PDE4D: variants seen among roughly 807,000 people sequenced by gnomAD.
PDE4D encodes the protein phosphodiesterase 4D.
A neutral mutation model predicts 87.4 loss-of-function variants in PDE4D; 24 were observed. The observed-to-expected ratio is 0.27, with a 90% CI of 0.20 to 0.39. The LOEUF is 0.39. Among genes scored for constraint, PDE4D ranks in the 10% least tolerant of loss-of-function variants. PDE4D has a pLI of 1.00. For synonymous variants in PDE4D, 384 were observed against 383.2 expected (o/e 1.00, Z -0.02); for missense variants, 714 against 1,041.0 (o/e 0.69, Z 4.32).
intron 1 of PDE4D, among the ~76,000 whole-genome samples, chr5:60,375,074 C>A (rs1441874414): frequency 6.6e-6 from 1 of 152,166 alleles, no homozygotes; most frequent in Non-Finnish European, 1.5e-5. Flanking sequence ...CTTCTTGAAA[C>A]CTTTCCAATC....
At chr5:60,438,831 A>G (rs571808796) in intron 1 of PDE4D, among the ~76,000 whole-genome samples, 2 of 152,086 alleles carry the variant, frequency 1.3e-5, no homozygotes, top group Non-Finnish European at 2.9e-5. Context: ...TTTTTTTCCT[A>G]TGAGATTAGC....
intron 1 of PDE4D, among the ~76,000 whole-genome samples, chr5:59,513,583 G>A (rs1810630028): frequency 6.6e-6 from 1 of 152,104 alleles, no homozygotes. Flanking sequence ...ACCTTCATGA[G>A]CAGGCTAATG....
At chr5:60,431,624 G>A (rs1486520306) in intron 1 of PDE4D, among the ~76,000 whole-genome samples, 2 of 149,974 alleles carry the variant, frequency 1.3e-5, no homozygotes, top group African/African-American at 2.5e-5. Context: ...TCACGTCCCA[G>A]ACGATGGGCG....
chr5:59,331,717 T>C (rs1466217004), intron 1 of PDE4D, among the ~76,000 whole-genome samples: 2 of 152,210 alleles, frequency 1.3e-5, no homozygotes, highest in Non-Finnish European at 2.9e-5. Flanking sequence ...ATCCAAGGCC[T>C]GTTGCCCCAT....
chr5:59,379,037 T>TA (rs889002255), intron 1 of PDE4D, among the ~76,000 whole-genome samples: 3 of 151,866 alleles, frequency 2.0e-5, no homozygotes, highest in Non-Finnish European at 4.4e-5. Context: ...CCAGGGAGCT[T>TA]ACAGGGAAGT....
chr5:59,179,232 G>A (rs890667468), intron 5 of PDE4D, among the ~76,000 whole-genome samples: 8 of 152,018 alleles, frequency 5.3e-5, no homozygotes, highest in South Asian at 4.1e-4. Flanking sequence ...TCAGATTCCC[G>A]AGTAGCTTGG....
chr5:59,737,584 T>A (rs1334455453), intron 1 of PDE4D, among the ~76,000 whole-genome samples: 1 of 152,138 alleles, frequency 6.6e-6, no homozygotes, highest in East Asian at 1.9e-4. Context: ...AATAACATAA[T>A]ATTTCATTAA....
chr5:59,107,078 G>A (rs1447937004), intron 5 of PDE4D, among the ~76,000 whole-genome samples: 4 of 152,116 alleles, frequency 2.6e-5, no homozygotes, highest in Non-Finnish European at 5.9e-5. Flanking sequence ...TCTTAGATAA[G>A]CAACTTAAAA....
At chr5:60,097,723 T>C (rs1775816340) in intron 2 of PDE4D, among the ~76,000 whole-genome samples, 1 of 151,882 alleles carries the variant, frequency 6.6e-6, no homozygotes, top group Non-Finnish European at 1.5e-5. Context: ...ATTTATTTAC[T>C]CATTCAATAT....
chr5:60,145,275 T>C (rs1297942376), intron 2 of PDE4D, among the ~76,000 whole-genome samples: 1 of 152,212 alleles, frequency 6.6e-6, no homozygotes, highest in Non-Finnish European at 1.5e-5. Context: ...ATCACTTATC[T>C]CTGAGCCCTC....
intron 1 of PDE4D, among the ~76,000 whole-genome samples, chr5:60,481,897 G>A (rs1387216709): frequency 2.0e-5 from 3 of 151,986 alleles, no homozygotes; most frequent in African/African-American, 4.8e-5. Context: ...CTTCCAGATG[G>A]TAAATATTAT....
intron 6 of PDE4D, 56 bp from the exon 7 acceptor site, chr5:58,993,521 T>G: frequency 1.9e-6 from 2 of 1,066,180 alleles, no homozygotes; most frequent in South Asian, 1.4e-5. Flanking sequence ...AAGTGAAATA[T>G]ATATGCATAC....
intron 2 of PDE4D, among the ~76,000 whole-genome samples, chr5:60,009,554 T>C (rs1035976496): frequency 6.6e-6 from 1 of 152,066 alleles, no homozygotes; most frequent in Non-Finnish European, 1.5e-5. Context: ...GTCATGTGTT[T>C]AGGATATAAA....
At chr5:59,932,740 C>T (rs1756110229) in intron 3 of PDE4D, among the ~76,000 whole-genome samples, 1 of 152,024 alleles carries the variant, frequency 6.6e-6, no homozygotes. Context: ...CGGTAGATAC[C>T]AAATCGATTC....
At chr5:60,408,306 C>A (rs1025799274) in intron 1 of PDE4D, among the ~76,000 whole-genome samples, 1 of 152,204 alleles carries the variant, frequency 6.6e-6, no homozygotes, top group Non-Finnish European at 1.5e-5. Flanking sequence ...GTCTCTGGAA[C>A]TATTTCTTGT....
At chr5:59,213,697 G>A (rs1750594129) in intron 2 of PDE4D, among the ~76,000 whole-genome samples, 1 of 151,950 alleles carries the variant, frequency 6.6e-6, no homozygotes, top group Admixed American at 6.6e-5. Flanking sequence ...CCTTAACCCA[G>A]GGGCTCCTAA....
chr5:60,480,622 T>G (rs1315207901), intron 1 of PDE4D, among the ~76,000 whole-genome samples: 1 of 152,172 alleles, frequency 6.6e-6, no homozygotes, highest in Non-Finnish European at 1.5e-5. Flanking sequence ...GCCATTTTCA[T>G]GACAAAAACC....
intron 1 of PDE4D, among the ~76,000 whole-genome samples, chr5:60,398,458 T>C (rs1006794772): frequency 6.6e-6 from 1 of 152,178 alleles, no homozygotes; most frequent in African/African-American, 2.4e-5. Context: ...TGTTTCACCA[T>C]CAACATCAGG....
intron 2 of PDE4D, among the ~76,000 whole-genome samples, chr5:60,091,908 G>A (rs1039335494): frequency 2.5e-4 from 38 of 151,268 alleles, no homozygotes; most frequent in East Asian, 7.8e-4. Flanking sequence ...AAAATTAGCC[G>A]GGCATGGTGG....
Sources: allele counts gnomAD v4.1 joint callset (sites outside exome capture counted in the v4.1 genomes callset), GRCh38; gene constraint gnomAD v4.1.1; transcripts MANE v1.5; gene names NCBI Gene and HGNC (gene_info 2026-07-23, HGNC 2026-07-21).